Variants in PRDM16 observed in about 807,000 individuals in gnomAD.
PRDM16 encodes the protein PR/SET domain 16.
Under a neutral mutation model 110.6 loss-of-function variants are expected in PRDM16, and 23 were observed. The ratio of observed to expected loss-of-function variants is 0.21; its 90% confidence interval spans 0.15 to 0.29. The LOEUF is 0.29. Among genes scored for constraint, PRDM16 ranks in the 10% least tolerant of loss-of-function variants. The probability of loss-of-function intolerance (pLI) is 1.00; values close to 1 mark genes in which losing one functional copy is unlikely to be tolerated. For missense variants in PRDM16, 1,615 were observed against 1,794.3 expected, an observed-to-expected ratio of 0.90 and a Z score of 1.81; for synonymous variants, 799 against 781.8, an observed-to-expected ratio of 1.02 and a Z score of -0.37.
Position 3,209,688 on chromosome 1 carries a change from A to C in PRDM16, c.387+23214A>C, listed in dbSNP as rs1638837360. Among the ~76,000 whole-genome samples the C allele has an allele frequency of 6.6e-6, 1 of 152,160 alleles. No individual in the cohort carries two copies. The highest frequency in any genetic ancestry group is 2.4e-5 in the African/African-American group (1 of 41,438). ...CTGCTTCTGGAGAGGTTTAGTTGTCAACGGCCACCAGGAACCACAGCCCTC... is the reference window on the plus strand; with the variant it reads ...CTGCTTCTGGAGAGGTTTAGTTGTCCACGGCCACCAGGAACCACAGCCCTC... On this transcript the variant is annotated intron_variant, in intron 2 of 16. Transcript: ENST00000270722. The surrounding 1 kb of genome is among the most constrained non-coding windows in gnomAD (Gnocchi z 4.6).
chr1:3,429,402 C>T (rs758229956), intron 14 of PRDM16, among the ~76,000 whole-genome samples: 9 of 152,230 alleles, frequency 5.9e-5, no homozygotes, highest in Non-Finnish European at 1.3e-4. Context: ...GGGCAAAGTC[C>T]CTGCCCCCAG....
At position 3,412,481 on chromosome 1, in the gene PRDM16, C is replaced by G. The variant is rs1306991002; in HGVS notation, c.2284C>G (p.Leu762Val). 6.2e-7 allele frequency: 1 copy of G among 1,613,392 alleles called. No homozygotes were observed. The highest frequency in any genetic ancestry group is 8.5e-7 in the Non-Finnish European group (1 of 1,180,028). ...CGAGCCAAAGTCACCCCGGGACGCC[C>G]TCAAGGTGGGCGGCCCCAGTGCCGA... ...KAEPKSPRDALKVGGPSAECP... is the reference protein window; with the variant it reads ...KAEPKSPRDAVKVGGPSAECP... The change falls in exon 9 of 17, where the codon CTC (leucine) becomes GTC (valine). Residue 762 changes from leucine (L) to valine (V), a missense_variant. Leu to Val is a conservative substitution (Grantham distance 32). Transcript: ENST00000270722.
chr1:3,279,469 A>T (rs1640663505), intron 3 of PRDM16, among the ~76,000 whole-genome samples: 1 of 152,248 alleles, frequency 6.6e-6, no homozygotes, highest in Admixed American at 6.5e-5. Context: ...CGGCGGCGTC[A>T]GTCTGGGACG....
intron 3 of PRDM16, among the ~76,000 whole-genome samples, chr1:3,313,392 G>C (rs1384330748): frequency 6.6e-6 from 1 of 152,214 alleles, no homozygotes; most frequent in Non-Finnish European, 1.5e-5. Context: ...TGACCGGCCT[G>C]GTCTCCTTTG....
chr1:3,180,636 G>C (rs542942410), intron 1 of PRDM16, among the ~76,000 whole-genome samples: 42 of 152,198 alleles, frequency 2.8e-4, no homozygotes, highest in Middle Eastern at 3.2e-3. Flanking sequence ...CGGGGCAGCC[G>C]AGCGCCATTC....
chr1:3,412,704 G>A lies in PRDM16; in HGVS notation c.2507G>A (p.Gly836Asp), dbSNP rs1643713816. 1.3e-6 allele frequency: 2 copies of A among 1,495,860 alleles called. No individual in the cohort carries two copies. Among genetic ancestry groups the A allele is most frequent in the South Asian group, 1.3e-5 (1 of 75,982 alleles). 92.7% of individuals were successfully genotyped at this position (1,495,860 alleles called of 1,614,324 possible). A position where few individuals can be genotyped will look rare whatever the true frequency, so the allele number is the denominator to read the frequency against. Residue 836 changes from glycine to aspartate, a missense_variant, in exon 9 of 17, where the codon GGC becomes GAC. This residue lies in a region of PRDM16 where 772 missense variants were observed against 748.3 expected (regional missense o/e 1.03). Transcript: ENST00000270722. ...HVYGERKLGA[G>D]EGLPQVCPAR... ...TATGGGGAACGCAAGCTGGGCGCCG[G>A]CGAGGGGCTGCCCCAGGTGTGCCCG...
At chr1:3,165,401 A>G (rs113559999) in intron 1 of PRDM16, among the ~76,000 whole-genome samples, 38 of 143,582 alleles carry the variant, frequency 2.6e-4, no homozygotes, top group African/African-American at 9.7e-4. Context: ...ACCAGGGCTC[A>G]GGGACAGTGA....
chr1:3,182,753 C>T (rs1201963092), intron 1 of PRDM16, among the ~76,000 whole-genome samples: 3 of 152,284 alleles, frequency 2.0e-5, no homozygotes, highest in South Asian at 2.1e-4. Context: ...ATCGCTCATA[C>T]GTGTGTGTGA....
At chr1:3,280,901 C>A (rs1640700171) in intron 3 of PRDM16, among the ~76,000 whole-genome samples, 1 of 152,180 alleles carries the variant, frequency 6.6e-6, no homozygotes, top group South Asian at 2.1e-4. Context: ...ATGCGGAGCC[C>A]CCAGGGCTTT....
At chr1:3,093,272 C>T (rs1418654034) in intron 1 of PRDM16, among the ~76,000 whole-genome samples, 1 of 152,232 alleles carries the variant, frequency 6.6e-6, no homozygotes, top group African/African-American at 2.4e-5. Context: ...AGAGCCCAGG[C>T]TAGCTCCATG....
At chr1:3,280,258 C>T (rs1007374582) in intron 3 of PRDM16, among the ~76,000 whole-genome samples, 2 of 152,126 alleles carry the variant, frequency 1.3e-5, no homozygotes, top group Non-Finnish European at 2.9e-5. Context: ...GTGCATGTGA[C>T]GTGTGCACAT....
chr1:3,196,087 G>A (rs1035110549), intron 2 of PRDM16, among the ~76,000 whole-genome samples: 11 of 152,212 alleles, frequency 7.2e-5, no homozygotes, highest in Admixed American at 3.3e-4. Flanking sequence ...TGTGGGTCCC[G>A]CTCAGTGACC....
chr1:3,191,238 G>A (rs984373854), intron 2 of PRDM16, among the ~76,000 whole-genome samples: 5 of 152,320 alleles, frequency 3.3e-5, no homozygotes, highest in East Asian at 3.9e-4. Context: ...TGAAGTGGAC[G>A]ACCTCACCCC....
Position 3,350,519 on chromosome 1 carries a change from G to T in PRDM16, c.439-34633G>T, listed in dbSNP as rs370344420. On this transcript the variant is annotated intron_variant, in intron 3 of 16. Coordinates refer to ENST00000270722, the MANE Select transcript of PRDM16 (RefSeq NM_022114.4). This position sits in a 1 kb window ranked among gnomAD's most constrained non-coding sequence, Gnocchi z 7.1. ...AATGTGTGTTAAGATCAAGGGCCCCGGGCTGATGTGGCCTCCCAGCAGCCT... is the reference window on the plus strand; with the variant it reads ...AATGTGTGTTAAGATCAAGGGCCCCTGGCTGATGTGGCCTCCCAGCAGCCT... Among the ~76,000 whole-genome samples the T allele has an allele frequency of 6.6e-6, 1 of 152,148 alleles. No individual in the cohort carries two copies. Among genetic ancestry groups the T allele is most frequent in the African/African-American group, 2.4e-5 (1 of 41,450 alleles).
chr1:3,258,834 G>A (rs559604880), intron 3 of PRDM16, among the ~76,000 whole-genome samples: 3 of 152,240 alleles, frequency 2.0e-5, no homozygotes, highest in African/African-American at 4.8e-5. Flanking sequence ...CTCCCTGCTC[G>A]AGCCAGGCCA....
intron 3 of PRDM16, among the ~76,000 whole-genome samples, chr1:3,336,647 TGA>T (rs1449281437): frequency 6.9e-6 from 1 of 145,326 alleles, no homozygotes; most frequent in Non-Finnish European, 1.5e-5. Flanking sequence ...TGTGTTGGAG[TGA>T]GTGTGTGTAT....
intron 3 of PRDM16, among the ~76,000 whole-genome samples, chr1:3,366,909 A>T (rs1180809494): frequency 6.6e-6 from 1 of 152,130 alleles, no homozygotes; most frequent in Non-Finnish European, 1.5e-5. Flanking sequence ...CCGGGGAGTG[A>T]GGGGGCTGCA....
chr1:3,398,463 CCTCA>C (rs1281966619), intron 5 of PRDM16, among the ~76,000 whole-genome samples: 4 of 152,158 alleles, frequency 2.6e-5, no homozygotes, highest in Admixed American at 6.5e-5. Flanking sequence ...CAAAAATGTT[CCTCA>C]CTAAGATAAT....
chr1:3,086,698 T>A (rs532075003), intron 1 of PRDM16, among the ~76,000 whole-genome samples: 2 of 152,314 alleles, frequency 1.3e-5, no homozygotes, highest in South Asian at 4.1e-4. Context: ...GGTGGAGATT[T>A]TCCCAAGTTA....
Sources: gnomAD v4.1 joint callset for allele counts (sites outside exome capture counted in the v4.1 genomes callset) on GRCh38, gnomAD v4.1.1 for gene constraint, gnomAD v4.1.1 regional missense constraint, Gnocchi (gnomAD v3.1) non-coding constraint, MANE v1.5 for transcripts, NCBI Gene and HGNC (gene_info 2026-07-23, HGNC 2026-07-21) for gene names.